The following GALNTL6 variants were observed in gnomAD, a reference collection of about 807,000 sequenced individuals.
The protein encoded by GALNTL6 is polypeptide N-acetylgalactosaminyltransferase-like 6.
In GALNTL6, 46 loss-of-function variants were observed where a neutral mutation model predicts 73.7. The ratio of observed to expected loss-of-function variants is 0.62; its 90% CI spans 0.49 to 0.80. The LOEUF (loss-of-function observed/expected upper bound fraction) is 0.80, where lower values mean the gene tolerates loss of function less well. Among genes scored for constraint, GALNTL6 ranks in the 30% least tolerant of loss-of-function variants. GALNTL6 has a pLI of 0.00. For missense variants in GALNTL6, 604 were observed against 755.0 expected, an observed-to-expected ratio of 0.80 and a Z score of 2.34; for synonymous variants, 259 against 263.7, an observed-to-expected ratio of 0.98 and a Z score of 0.17.
At chr4:171,865,124 C>T (rs1004545640) in intron 2 of GALNTL6, among the ~76,000 whole-genome samples, 1 of 150,692 alleles carries the variant, frequency 6.6e-6, no homozygotes, top group African/African-American at 2.4e-5. Context: ...CCAGCCTGGG[C>T]GACAAAAGTG....
At chr4:172,021,834 GGAA>G (rs1741411733) in intron 2 of GALNTL6, among the ~76,000 whole-genome samples, 1 of 151,872 alleles carries the variant, frequency 6.6e-6, no homozygotes, top group African/African-American at 2.4e-5. Context: ...AAAACTTTGA[GGAA>G]AAGATAATCT....
chr4:172,945,703 G>C (rs1292199961), intron 9 of GALNTL6, among the ~76,000 whole-genome samples: 3 of 152,186 alleles, frequency 2.0e-5, no homozygotes, highest in African/African-American at 7.2e-5. Flanking sequence ...CAGCCTTGGG[G>C]AAGAAGGAAA....
At chr4:172,366,643 A>G (rs1742575458) in intron 5 of GALNTL6, among the ~76,000 whole-genome samples, 1 of 152,192 alleles carries the variant, frequency 6.6e-6, no homozygotes, top group Non-Finnish European at 1.5e-5. Context: ...AAATAGAAAC[A>G]AATACCAGAG....
chr4:172,673,943 T>C (rs184909231), intron 5 of GALNTL6, among the ~76,000 whole-genome samples: 9 of 152,330 alleles, frequency 5.9e-5, no homozygotes, highest in Admixed American at 3.9e-4. Flanking sequence ...TGTCTTTTAA[T>C]TGGGGGCATT....
At chr4:172,932,247 T>C (rs1748380684) in intron 9 of GALNTL6, among the ~76,000 whole-genome samples, 1 of 152,254 alleles carries the variant, frequency 6.6e-6, no homozygotes, top group Non-Finnish European at 1.5e-5. Flanking sequence ...TAGTTACCGC[T>C]GTACTCTCAG....
At chr4:171,968,054 C>T (rs1001260781) in intron 2 of GALNTL6, among the ~76,000 whole-genome samples, 3 of 152,118 alleles carry the variant, frequency 2.0e-5, no homozygotes, top group Admixed American at 6.6e-5. Flanking sequence ...GATTCTACTC[C>T]TTATTACTAG....
At chr4:172,022,406 A>G (rs964409018) in intron 2 of GALNTL6, among the ~76,000 whole-genome samples, 4 of 152,018 alleles carry the variant, frequency 2.6e-5, no homozygotes, top group African/African-American at 9.7e-5. Context: ...AGTAAATAAT[A>G]CTAATACATC....
intron 10 of GALNTL6, among the ~76,000 whole-genome samples, chr4:172,993,016 A>C (rs28524136): frequency 0.14 from 21,078 of 152,154 alleles, 1,573 homozygotes; most frequent in Non-Finnish European, 0.18. Flanking sequence ...GATTTCTTTC[A>C]CTGACATAAT....
chr4:172,892,647 T>A (rs1277826182), intron 8 of GALNTL6, among the ~76,000 whole-genome samples: 1 of 151,856 alleles, frequency 6.6e-6, no homozygotes, highest in Non-Finnish European at 1.5e-5. Context: ...CCCTTACACC[T>A]TTTTTTGTTG....
chr4:172,071,851 G>T (rs1249216890), intron 2 of GALNTL6, among the ~76,000 whole-genome samples: 1 of 152,178 alleles, frequency 6.6e-6, no homozygotes, highest in Non-Finnish European at 1.5e-5. Flanking sequence ...CTAAAGGCAG[G>T]CTAACTAGAA....
At chr4:172,912,088 A>C (rs1324192138) in intron 8 of GALNTL6, among the ~76,000 whole-genome samples, 1 of 152,236 alleles carries the variant, frequency 6.6e-6, no homozygotes, top group Non-Finnish European at 1.5e-5. Flanking sequence ...AAAGCAAGTC[A>C]GTTTGCCCCC....
At chr4:172,420,483 T>C (rs999601970) in intron 5 of GALNTL6, among the ~76,000 whole-genome samples, 1 of 152,154 alleles carries the variant, frequency 6.6e-6, no homozygotes, top group Non-Finnish European at 1.5e-5. Flanking sequence ...TTAGTATGAA[T>C]GTAACTACAT....
intron 2 of GALNTL6, among the ~76,000 whole-genome samples, chr4:172,138,497 A>T (rs866822463): frequency 2.9e-4 from 2 of 6,904 alleles, no homozygotes; most frequent in Admixed American, 1.6e-3. Flanking sequence ...ATATATATAT[A>T]TATATATATA....
intron 2 of GALNTL6, among the ~76,000 whole-genome samples, chr4:172,133,664 AAC>A (rs1328398781): frequency 6.6e-6 from 1 of 152,234 alleles, no homozygotes; most frequent in Non-Finnish European, 1.5e-5. Flanking sequence ...ACGGGTGACC[AAC>A]TGAACTGAGG....
At chr4:172,439,163 C>G (rs1731740184) in intron 5 of GALNTL6, among the ~76,000 whole-genome samples, 1 of 108,718 alleles carries the variant, frequency 9.2e-6, no homozygotes, top group Non-Finnish European at 1.8e-5. Flanking sequence ...ACCCATTTCT[C>G]TCTCCCCTTC....
At chr4:172,818,404 C>A (rs547520763) in intron 7 of GALNTL6, among the ~76,000 whole-genome samples, 1 of 152,264 alleles carries the variant, frequency 6.6e-6, no homozygotes, top group African/African-American at 2.4e-5. Flanking sequence ...TTTGCACTGC[C>A]AGTCTTCCTC....
rs181203284 is a variant in GALNTL6 at position 172,207,320 on chromosome 4, A to G, written c.139-22336A>G. On this transcript the variant is annotated intron_variant, in intron 2 of 12. Transcript: ENST00000506823. ...TACTTTGGATCTTTGTGGAGAGTGG[A>G]TTATAGGAAGACGAGAAAATACTGG... Among the ~76,000 whole-genome samples, 143 of 152,224 alleles carry G rather than the reference A, an allele frequency of 9.4e-4. 2 individuals carry two copies. Among genetic ancestry groups the G allele is most frequent in the African/African-American group, 3.4e-3 (140 of 41,560 alleles).
intron 10 of GALNTL6, among the ~76,000 whole-genome samples, chr4:172,970,702 A>C (rs1750539508): frequency 6.6e-6 from 1 of 152,218 alleles, no homozygotes; most frequent in Non-Finnish European, 1.5e-5. Context: ...ATCAATTTGT[A>C]CAATAGTGGT....
At chr4:172,183,470 A>G (rs1044360274) in intron 2 of GALNTL6, among the ~76,000 whole-genome samples, 3 of 152,234 alleles carry the variant, frequency 2.0e-5, no homozygotes, top group African/African-American at 7.2e-5. Context: ...TTATTTGTGT[A>G]GCAAGAGTCC....
Sources: gnomAD v4.1 joint callset for allele counts (sites outside exome capture counted in the v4.1 genomes callset) on GRCh38, gnomAD v4.1.1 for gene constraint, MANE v1.5 for transcripts, NCBI Gene and HGNC (gene_info 2026-07-23, HGNC 2026-07-21) for gene names.